Variants in OCA2 observed in about 807,000 individuals in gnomAD.
The protein encoded by OCA2 is OCA2 melanosomal transmembrane protein, also known as P protein.
In OCA2, 77 loss-of-function variants were observed where a neutral mutation model predicts 100.2. The ratio of observed to expected loss-of-function variants is 0.77; its 90% CI spans 0.64 to 0.93. OCA2 has a LOEUF of 0.93. Ranked by LOEUF, OCA2 falls within the 40% of genes least tolerant of loss-of-function variation. The pLI is 0.00. For missense variants in OCA2, 1,062 were observed against 1,089.1 expected (o/e 0.98, Z 0.35); for synonymous variants, 432 against 439.2 (o/e 0.98, Z 0.21).
intron 3 of OCA2, 134 bp from the exon 4 acceptor site, chr15:28,028,193 C>CTTTG: frequency 1.0e-6 from 1 of 994,802 alleles, no homozygotes; most frequent in Non-Finnish European, 1.6e-6. Flanking sequence ...GACAGTGGTG[C>CTTTG]ACTCTCATAC....
intron 14 of OCA2, among the ~76,000 whole-genome samples, chr15:27,978,472 T>C (rs772551218): frequency 5.3e-5 from 8 of 152,166 alleles, no homozygotes; most frequent in Non-Finnish European, 1.2e-4. Context: ...GCTCTGTCAT[T>C]GGTTGTATAA....
At chr15:27,769,645 TAA>T (rs58595995) in intron 23 of OCA2, among the ~76,000 whole-genome samples, 1 of 150,386 alleles carries the variant, frequency 6.6e-6, no homozygotes, top group African/African-American at 2.4e-5. Context: ...CCTATTGAAA[TAA>T]AAAAAAAGGC....
intron 14 of OCA2, among the ~76,000 whole-genome samples, chr15:27,967,826 T>C (rs1002455562): frequency 6.6e-6 from 1 of 152,254 alleles, no homozygotes; most frequent in East Asian, 1.9e-4. Context: ...AGCGGCGTCA[T>C]TGGTTGGTTC....
At chr15:27,820,025 A>G (rs1318536874) in intron 23 of OCA2, among the ~76,000 whole-genome samples, 1 of 152,226 alleles carries the variant, frequency 6.6e-6, no homozygotes, top group Non-Finnish European at 1.5e-5. Context: ...ACAGGCACCA[A>G]TGGAGAGCGC....
At chr15:28,005,671 A>G (rs578062579) in intron 9 of OCA2, among the ~76,000 whole-genome samples, 17 of 152,166 alleles carry the variant, frequency 1.1e-4, no homozygotes, top group African/African-American at 4.1e-4. Context: ...AGGGCTCTCC[A>G]TTTGTAAAGA....
intron 23 of OCA2, among the ~76,000 whole-genome samples, chr15:27,834,211 GTAATCAATCA>G (rs2035064363): frequency 6.6e-6 from 1 of 152,166 alleles, no homozygotes; most frequent in Non-Finnish European, 1.5e-5. Context: ...GGCCAATGAT[GTAATCAATCA>G]TGCCAATGTA....
At chr15:28,059,725 C>T (rs1412474582) in intron 2 of OCA2, among the ~76,000 whole-genome samples, 3 of 152,150 alleles carry the variant, frequency 2.0e-5, no homozygotes, top group Non-Finnish European at 4.4e-5. Context: ...AAGGGAAGAG[C>T]AAATCTCCTC....
rs952766944 is a variant in OCA2 at position 28,043,065 on chromosome 15, T to C, written c.228-10902A>G. The stretch of plus-strand genomic sequence containing the variant: ...GTAAGGACAGTTAACACAAGAAATA[T>C]TGAATATAAATGGATATTAATAATT... On this transcript the variant is annotated intron_variant, in intron 2 of 23. Transcript: ENST00000354638. This position sits in a 1 kb window ranked among gnomAD's most constrained non-coding sequence, Gnocchi z 4.4. 6.6e-6 allele frequency among the ~76,000 whole-genome samples: 1 copy of C among 152,210 alleles called. No individual in the cohort carries two copies. The highest frequency in any genetic ancestry group is 1.5e-5 in the Non-Finnish European group (1 of 68,042).
At chr15:28,078,341 A>C (rs2044501318) in intron 2 of OCA2, among the ~76,000 whole-genome samples, 2 of 152,194 alleles carry the variant, frequency 1.3e-5, no homozygotes. Flanking sequence ...GGCTCCCAGG[A>C]ATTGGCCTGC....
intron 19 of OCA2, among the ~76,000 whole-genome samples, chr15:27,893,981 G>A (rs1232645809): frequency 6.6e-6 from 1 of 152,012 alleles, no homozygotes. Context: ...CTTACTCTCT[G>A]TTCTTACACC....
chr15:27,832,541 A>T (rs1823767503), intron 23 of OCA2, among the ~76,000 whole-genome samples: 1 of 152,116 alleles, frequency 6.6e-6, no homozygotes, highest in Admixed American at 6.5e-5. Context: ...GGGAAGTCAC[A>T]CAGCTCACCT....
At chr15:27,828,077 A>G (rs1465218221) in intron 23 of OCA2, among the ~76,000 whole-genome samples, 1 of 152,166 alleles carries the variant, frequency 6.6e-6, no homozygotes, top group Non-Finnish European at 1.5e-5. Context: ...AATTAACTTG[A>G]GTACAGGTGA....
intron 14 of OCA2, among the ~76,000 whole-genome samples, chr15:27,979,866 G>GTT (rs2041091521): frequency 9.9e-6 from 1 of 100,612 alleles, no homozygotes. Context: ...TGCCCAGCTA[G>GTT]TGTTTTTTTT....
At chr15:28,054,662 T>G (rs2043632233) in intron 2 of OCA2, among the ~76,000 whole-genome samples, 1 of 152,226 alleles carries the variant, frequency 6.6e-6, no homozygotes, top group Non-Finnish European at 1.5e-5. Flanking sequence ...ACATTATTGT[T>G]ACTTACACAT....
In OCA2 at chr15:27,957,343, C is replaced by T. The variant is rs1287598810; in HGVS notation, c.1784+245G>A. Among the ~76,000 whole-genome samples, 5 of 152,176 alleles carry T rather than the reference C, an allele frequency of 3.3e-5. No homozygotes were observed. In the South Asian group the frequency reaches 6.2e-4, roughly 19 times the overall value. On this transcript the variant is annotated intron_variant, in intron 16 of 23. Transcript: ENST00000354638. This position sits in a 1 kb window ranked among gnomAD's most constrained non-coding sequence, Gnocchi z 4.3. ...GTGCCACTCCTTCCGAGCTGCACAA[C>T]CCTGGGCACGCCGCTCAAATTCTCT...
At chr15:27,993,319 A>C (rs544969894) in intron 9 of OCA2, among the ~76,000 whole-genome samples, 1 of 152,292 alleles carries the variant, frequency 6.6e-6, no homozygotes, top group East Asian at 1.9e-4. Context: ...TTTGCAGAGG[A>C]GGAAACAGTC....
At chr15:27,887,445 A>T (rs1205513697) in intron 19 of OCA2, among the ~76,000 whole-genome samples, 1 of 151,704 alleles carries the variant, frequency 6.6e-6, no homozygotes, top group Non-Finnish European at 1.5e-5. Flanking sequence ...CCTGCCAGCA[A>T]AGGTAACCAT....
At chr15:27,771,237 T>A (rs908639938) in intron 23 of OCA2, among the ~76,000 whole-genome samples, 1 of 151,696 alleles carries the variant, frequency 6.6e-6, no homozygotes, top group African/African-American at 2.4e-5. Flanking sequence ...CCCCAGGTCC[T>A]CCTGCTCACA....
At chr15:27,772,674 C>G (rs989629656) in intron 23 of OCA2, among the ~76,000 whole-genome samples, 1 of 152,042 alleles carries the variant, frequency 6.6e-6, no homozygotes, top group Non-Finnish European at 1.5e-5. Context: ...AACCCCATCT[C>G]TACTAAAAAT....
Sources: gnomAD v4.1 joint callset for allele counts (sites outside exome capture counted in the v4.1 genomes callset) on GRCh38, gnomAD v4.1.1 for gene constraint, Gnocchi (gnomAD v3.1) non-coding constraint, MANE v1.5 for transcripts, NCBI Gene and HGNC (gene_info 2026-07-23, HGNC 2026-07-21) for gene names.